The following DDOST variants were observed in gnomAD, a reference collection of about 807,000 sequenced individuals.
DDOST encodes the protein dolichyl-diphosphooligosaccharide--protein glycosyltransferase 48 kDa subunit.
DDOST carries 25 observed loss-of-function variants against 47.6 expected under a neutral mutation model. The observed-to-expected ratio is 0.53, with a 90% confidence interval of 0.38 to 0.73. The LOEUF is 0.73. DDOST is among the 30% of genes least tolerant of loss of function. DDOST has a pLI of 0.00. For synonymous variants in DDOST, 275 were observed against 236.0 expected, an observed-to-expected ratio of 1.17 and a Z score of -1.51; for missense variants, 526 against 573.9, an observed-to-expected ratio of 0.92 and a Z score of 0.85.
rs1405656076 is a variant in DDOST at position 20,653,906 on chromosome 1, G to T, written c.795-132C>A. On this transcript the variant is annotated intron_variant, in intron 7 of 10. Transcript: ENST00000602624. ...TGCCTGTAGGCCTTGGGCACCTAGG[G>T]ACTCATGGTTAAAGGGAACGCAGGA... 48 of 1,070,660 alleles carry T rather than the reference G, an allele frequency of 4.5e-5. No individual in the cohort carries two copies. In the East Asian group the frequency reaches 1.2e-3, roughly 27 times the overall value. 66.3% of individuals were successfully genotyped at this position (1,070,660 alleles called of 1,614,324 possible). A position where few individuals can be genotyped will look rare whatever the true frequency, so the allele number is the denominator to read the frequency against.
At chr1:20,657,472 GAGC>G (rs777809300) in intron 2 of DDOST, among the ~76,000 whole-genome samples, 6 of 152,182 alleles carry the variant, frequency 3.9e-5, no homozygotes, top group Non-Finnish European at 8.8e-5. Context: ...GCCGACCTTG[GAGC>G]AGCAACAGAG....
intron 2 of DDOST, among the ~76,000 whole-genome samples, chr1:20,658,243 T>G (rs2053396726): frequency 6.6e-6 from 1 of 152,226 alleles, no homozygotes; most frequent in South Asian, 2.1e-4. Context: ...CTTGTAGACA[T>G]GATTGCCAGT....
intron 5 of DDOST, 138 bp downstream of exon 5, chr1:20,655,302 T>C: frequency 3.2e-6 from 2 of 618,558 alleles, no homozygotes; most frequent in Non-Finnish European, 2.9e-6. Flanking sequence ...TGAGCCACTA[T>C]ACTCGGCCTT....
Position 20,654,670 on chromosome 1 carries a change from T to C in DDOST, c.589A>G (p.Ile197Val). Reference sequence around the variant, plus strand: ...TAAGAGGTGGAAGAGCCCGTCAGGATGTCCAGCACCAAAGGGTTATCAGGA... The same window carrying C: ...TAAGAGGTGGAAGAGCCCGTCAGGACGTCCAGCACCAAAGGGTTATCAGGA... ...ADPDNPLVLDILTGSSTSYSF... is the reference protein window; with the variant it reads ...ADPDNPLVLDVLTGSSTSYSF... The change falls in exon 6 of 11, where the codon ATC becomes GTC. Residue 197 changes from isoleucine to valine, a missense_variant. Transcript: ENST00000602624. 1 of 1,563,560 alleles carries C rather than the reference T, an allele frequency of 6.4e-7. No individual in the cohort carries two copies. Among genetic ancestry groups the C allele is most frequent in the Non-Finnish European group, 8.7e-7 (1 of 1,152,748 alleles).
chr1:20,653,920 G>A, intron 7 of DDOST, 146 bp from the exon 8 acceptor site: 1 of 964,268 alleles, frequency 1.0e-6, no homozygotes, highest in Non-Finnish European at 1.5e-6. Flanking sequence ...CATGGTTAAA[G>A]GGAACGCAGG....
intron 3 of DDOST, 114 bp from the exon 4 acceptor site, chr1:20,655,893 C>G: frequency 1.1e-6 from 1 of 945,874 alleles, no homozygotes. Context: ...GCAGCTTCAT[C>G]CAGCTGGGCT....
At chr1:20,660,375 G>C (rs1208339600) in intron 2 of DDOST, 2 of 153,768 alleles carry the variant, frequency 1.3e-5, no homozygotes, top group South Asian at 2.0e-4. Context: ...CTAGCCCACT[G>C]CAAGGCTGCT....
intron 5 of DDOST, among the ~76,000 whole-genome samples, chr1:20,655,188 T>G (rs1269576348): frequency 1.4e-5 from 2 of 147,480 alleles, no homozygotes; most frequent in Non-Finnish European, 3.0e-5. Flanking sequence ...TTTTTTTTTT[T>G]TTTTTTTAAA....
rs2053299453 is a variant in DDOST, at chr1:20,652,208, T to C, written c.*171A>G. ...CAATTCAAAGTGGAAAAACTTCTTT[T>C]ATATAAAAATTATCCCAACTCCCAC... is the stretch of plus-strand genomic sequence containing the variant. On this transcript the variant is annotated 3_prime_UTR_variant, in exon 11 of 11. Transcript: ENST00000602624. The C allele has an allele frequency of 5.0e-6, 3 of 600,088 alleles. No homozygotes were observed. The highest frequency in any genetic ancestry group is 1.9e-5 in the African/African-American group (1 of 52,962). 37.2% of individuals were successfully genotyped at this position (600,088 alleles called of 1,614,324 possible).
intron 2 of DDOST, among the ~76,000 whole-genome samples, chr1:20,657,499 G>A (rs1211894525): frequency 3.9e-5 from 6 of 152,172 alleles, no homozygotes; most frequent in Non-Finnish European, 8.8e-5. Context: ...GGCGCGGCAG[G>A]CCTCCACGCC....
rs1484203598 is a variant in DDOST, at chr1:20,651,830, T to TTTATTTA, written c.*542_*548dup. The TTTATTTA allele has an allele frequency of 6.6e-6, 1 of 151,552 alleles. No homozygotes were observed. The highest frequency in any genetic ancestry group is 1.5e-5 in the Non-Finnish European group (1 of 67,946). The allele number at this position is 151,552 out of a possible 1,614,324, so 9.4% of individuals were successfully genotyped here. On this transcript the variant is annotated 3_prime_UTR_variant, in exon 11 of 11. Transcript: ENST00000602624. ...ATTTATTTATTTATTTATTTATTTA[T>TTTATTTA]TTATTTATATTTGAGACAGAGTCTT...
At position 20,654,219 on chromosome 1, in the gene DDOST, C is replaced by T; in HGVS notation, c.794+4G>A. On this transcript the variant is annotated splice_donor_region_variant and intron_variant, in intron 7 of 10. Transcript: ENST00000602624. ...CCCCGGCCCCTAAGCCTCCTGGCAG[C>T]TACCTCTGGGAGCCGGGCGCCGCCT... is the stretch of plus-strand genomic sequence containing the variant. 1.3e-6 allele frequency: 2 copies of T among 1,550,460 alleles called. No individual in the cohort carries two copies. The highest frequency in any genetic ancestry group is 1.2e-5 in the South Asian group (1 of 84,020).
rs138561924 is a variant in DDOST, at chr1:20,652,656, G to A, written c.1135C>T (p.Arg379Trp). The change falls in exon 10 of 11, where the codon CGG becomes TGG. Residue 379 changes from arginine (R) to tryptophan (W), a missense_variant. By Grantham distance (101) the Arg-to-Trp change is moderately radical. Coordinates refer to ENST00000602624, the MANE Select transcript of DDOST (RefSeq NM_005216.5). ...GVFQFKVDYN[R>W]LGYTHLYSST... is the part of the protein sequence containing the mutation. ...GAGTACAGGTGTGTGTAGCCTAGCC[G>A]GTTGTAATCCACTTTAAACTGGAAT... 1.2e-5 allele frequency: 20 copies of A among 1,614,036 alleles called. No individual in the cohort carries two copies. Among genetic ancestry groups the A allele is most frequent in the South Asian group, 6.6e-5 (6 of 91,086 alleles).
chr1:20,656,240 C>CT lies in DDOST; in HGVS notation c.266-54dup. On this transcript the variant is annotated intron_variant, in intron 2 of 10. Coordinates refer to ENST00000602624, the MANE Select transcript of DDOST (RefSeq NM_005216.5). ...CCAGAGGTCTCCTCTCCCTGCTCCT[C>CT]TGACACTGGCAGGGAGGGGACATGA... The CT allele has an allele frequency of 2.9e-6, 4 of 1,402,870 alleles. No individual in the cohort carries two copies. In the South Asian group the frequency reaches 4.6e-5, roughly 16 times the overall value. 86.9% of individuals were successfully genotyped at this position (1,402,870 alleles called of 1,614,324 possible).
At position 20,652,645 on chromosome 1, in the gene DDOST, G is replaced by A; in HGVS notation, c.1146C>T (p.Tyr382=). ...QFKVDYNRLG[Y]THLYSSTQVS... is the part of the protein sequence containing the mutation. ...CCTGAGTGGAAGAGTACAGGTGTGT[G>A]TAGCCTAGCCGGTTGTAATCCACTT... The change falls in exon 10 of 11, where the codon TAC becomes TAT. Residue 382 remains tyrosine (Y), a synonymous_variant. Transcript: ENST00000602624. 1 of 1,614,208 alleles carries A rather than the reference G, an allele frequency of 6.2e-7. No individual in the cohort carries two copies. Among genetic ancestry groups the A allele is most frequent in the Non-Finnish European group, 8.5e-7 (1 of 1,180,030 alleles).
intron 2 of DDOST, 68 bp downstream of exon 2, chr1:20,660,813 C>T: frequency 1.1e-6 from 1 of 929,116 alleles, no homozygotes; most frequent in Non-Finnish European, 1.7e-6. Flanking sequence ...GCCCAAGAAC[C>T]AGAAGAAAGC....
At chr1:20,653,913 G>C in intron 7 of DDOST, 139 bp from the exon 8 acceptor site, 1 of 1,005,544 alleles carries the variant, frequency 9.9e-7, no homozygotes, top group Non-Finnish European at 1.4e-6. Context: ...AGGGACTCAT[G>C]GTTAAAGGGA....
At chr1:20,654,444 G>A (rs766819288) in intron 6 of DDOST, 73 bp from the exon 7 acceptor site, 6 of 1,528,086 alleles carry the variant, frequency 3.9e-6, no homozygotes, top group Non-Finnish European at 5.3e-6. Context: ...CCGAACAAGA[G>A]GACAGCAGGC....
chr1:20,659,162 C>CT (rs11320315), intron 2 of DDOST, among the ~76,000 whole-genome samples: 83 of 144,642 alleles, frequency 5.7e-4, no homozygotes, highest in African/African-American at 8.5e-4. Context: ...CTAGCCTTTT[C>CT]TTTTTTTTTT....
Sources: allele counts gnomAD v4.1 joint callset (sites outside exome capture counted in the v4.1 genomes callset), GRCh38; gene constraint gnomAD v4.1.1; transcripts MANE v1.5; gene names NCBI Gene and HGNC (gene_info 2026-07-23, HGNC 2026-07-21).